DSCAM: variants seen among roughly 807,000 people sequenced by gnomAD.
DSCAM encodes DS cell adhesion molecule, also known as cell adhesion molecule DSCAM.
A neutral mutation model predicts 217.7 loss-of-function variants in DSCAM; 47 were observed. The ratio of observed to expected loss-of-function variants is 0.22; its 90% CI spans 0.17 to 0.28. DSCAM has a LOEUF of 0.28. Among genes scored for constraint, DSCAM ranks in the 10% least tolerant of loss-of-function variants. The pLI, the probability that DSCAM is intolerant of heterozygous loss-of-function variation, is 1.00. For synonymous variants in DSCAM, 1,056 were observed against 1,015.3 expected (o/e 1.04, Z -0.76); for missense variants, 2,080 against 2,618.3 (o/e 0.79, Z 4.49).
chr21:40,793,248 G>A (rs2123471908), intron 1 of DSCAM, among the ~76,000 whole-genome samples: 1 of 152,218 alleles, frequency 6.6e-6, no homozygotes, highest in South Asian at 2.1e-4. Flanking sequence ...GTGGCTGGCT[G>A]GAGGCCTGTG....
chr21:40,246,384 A>G (rs2073225199), intron 11 of DSCAM, among the ~76,000 whole-genome samples: 1 of 147,324 alleles, frequency 6.8e-6, no homozygotes, highest in Non-Finnish European at 1.5e-5. Flanking sequence ...AAAAAAAAAA[A>G]AAAAAAATTA....
chr21:40,096,353 C>A (rs1287757614), intron 20 of DSCAM, among the ~76,000 whole-genome samples: 2 of 152,146 alleles, frequency 1.3e-5, no homozygotes, highest in Non-Finnish European at 2.9e-5. Context: ...GTGCTCGGAC[C>A]ACCTTGAGCA....
intron 1 of DSCAM, among the ~76,000 whole-genome samples, chr21:40,764,126 G>C (rs1369172393): frequency 6.6e-6 from 1 of 152,120 alleles, no homozygotes; most frequent in East Asian, 1.9e-4. Flanking sequence ...CTTCAGCTCA[G>C]CAAAAGAAAC....
intron 11 of DSCAM, among the ~76,000 whole-genome samples, chr21:40,192,322 T>G (rs908643357): frequency 6.6e-6 from 1 of 152,150 alleles, no homozygotes; most frequent in Non-Finnish European, 1.5e-5. Flanking sequence ...CATAGTGTCA[T>G]GGGAGAGGCC....
At chr21:40,289,044 T>C (rs1285084269) in intron 10 of DSCAM, among the ~76,000 whole-genome samples, 3 of 152,242 alleles carry the variant, frequency 2.0e-5, no homozygotes, top group Admixed American at 6.5e-5. Flanking sequence ...ATATAAACAA[T>C]AGAATTTCAT....
chr21:40,513,222 C>G (rs1224340534), intron 3 of DSCAM: 8 of 152,082 alleles, frequency 5.3e-5, no homozygotes, highest in African/African-American at 1.9e-4. Flanking sequence ...CTACCTACCC[C>G]GTACATACTT....
chr21:40,106,892 TCTA>T (rs200494654), intron 20 of DSCAM, among the ~76,000 whole-genome samples: 1 of 90,302 alleles, frequency 1.1e-5, no homozygotes, highest in African/African-American at 3.0e-5. Flanking sequence ...TAGTGGTCTA[TCTA>T]TTTTATTTTT....
At chr21:40,427,086 A>G (rs918753282) in intron 3 of DSCAM, among the ~76,000 whole-genome samples, 1 of 152,182 alleles carries the variant, frequency 6.6e-6, no homozygotes, top group African/African-American at 2.4e-5. Context: ...CCTTCTGGCC[A>G]CAGCACTCTC....
intron 20 of DSCAM, among the ~76,000 whole-genome samples, chr21:40,122,920 TAA>T (rs2146666644): frequency 6.6e-6 from 1 of 152,312 alleles, no homozygotes; most frequent in Non-Finnish European, 1.5e-5. Context: ...TCACCTTGAT[TAA>T]AAGATTAATC....
chr21:40,072,381 C>T (rs955263819), intron 27 of DSCAM, among the ~76,000 whole-genome samples: 3 of 150,338 alleles, frequency 2.0e-5, no homozygotes, highest in Non-Finnish European at 4.4e-5. Flanking sequence ...GAGTCTCGCT[C>T]TGTCACCCAG....
chr21:40,741,252 CACTT>C (rs1057479412), intron 1 of DSCAM, among the ~76,000 whole-genome samples: 1 of 152,190 alleles, frequency 6.6e-6, no homozygotes, highest in African/African-American at 2.4e-5. Context: ...AAAAAACTGA[CACTT>C]AAAAATGTCT....
rs755881168 is a variant in DSCAM, at chr21:40,347,718, G to A, written c.1162C>T (p.Arg388Cys). 18 of 1,614,136 alleles carry A rather than the reference G, an allele frequency of 1.1e-5. No individual in the cohort carries two copies. The highest frequency in any genetic ancestry group is 1.4e-5 in the Non-Finnish European group (17 of 1,180,020). The change falls in exon 6 of 33, where the codon CGC becomes TGC. Residue 388 changes from arginine to cysteine, a missense_variant. Arg to Cys is a radical substitution (Grantham distance 180, BLOSUM62 -3). Around this residue, in one of 5 missense-constraint regions of DSCAM, gnomAD observed 568 missense variants for 678.1 expected, o/e 0.84. Transcript: ENST00000400454. ...SDGGAYQCFV[R>C]KDKLSAQDYV... ...TCTTGAGCGGACAGCTTGTCCTTGC[G>A]CACAAAGCACTGGTATGCGCCCCCG...
chr21:40,533,517 CCATCCATCTGTCCATCCATCCATCCATT>C (rs897877087), intron 3 of DSCAM, among the ~76,000 whole-genome samples: 1 of 151,066 alleles, frequency 6.6e-6, no homozygotes, highest in Non-Finnish European at 1.5e-5. Context: ...AGCCATCCAT[CCATCCATCTGTCCATCCATCCATCCATT>C]CATCCATCCA....
At chr21:40,046,508 G>A (rs1371354688) in intron 30 of DSCAM, among the ~76,000 whole-genome samples, 1 of 152,110 alleles carries the variant, frequency 6.6e-6, no homozygotes, top group Admixed American at 6.5e-5. Context: ...TTTCTTCACC[G>A]AAATGCTAGG....
At chr21:40,336,138 C>G (rs2074427732) in intron 8 of DSCAM, among the ~76,000 whole-genome samples, 2 of 152,156 alleles carry the variant, frequency 1.3e-5, no homozygotes, top group South Asian at 4.1e-4. Flanking sequence ...TCCTGAGCAG[C>G]ACGGCTATTT....
intron 1 of DSCAM, among the ~76,000 whole-genome samples, chr21:40,741,091 C>A (rs1226491304): frequency 2.0e-5 from 3 of 152,072 alleles, no homozygotes; most frequent in Non-Finnish European, 2.9e-5. Context: ...GAAGTCAGTG[C>A]AGAAAAAGTG....
At chr21:40,325,233 C>T (rs771483389) in intron 8 of DSCAM, among the ~76,000 whole-genome samples, 16 of 152,072 alleles carry the variant, frequency 1.1e-4, no homozygotes, top group Non-Finnish European at 2.2e-4. Context: ...AGAACTAAGA[C>T]TGCCTCTGAC....
intron 3 of DSCAM, among the ~76,000 whole-genome samples, chr21:40,374,395 A>G (rs928336156): frequency 2.4e-4 from 37 of 152,214 alleles, no homozygotes; most frequent in African/African-American, 8.9e-4. Context: ...TATGAAAGGC[A>G]ACCGCATATA....
intron 3 of DSCAM, among the ~76,000 whole-genome samples, chr21:40,448,269 C>T (rs577576173): frequency 6.6e-6 from 1 of 152,180 alleles, no homozygotes; most frequent in Non-Finnish European, 1.5e-5. Flanking sequence ...CACACACCAT[C>T]CAATCCAATG....
Sources: gnomAD v4.1 joint callset for allele counts (sites outside exome capture counted in the v4.1 genomes callset) on GRCh38, gnomAD v4.1.1 for gene constraint, gnomAD v4.1.1 regional missense constraint, MANE v1.5 for transcripts, NCBI Gene and HGNC (gene_info 2026-07-23, HGNC 2026-07-21) for gene names.